MGAT4C: variants seen among roughly 807,000 people sequenced by gnomAD.
The protein encoded by MGAT4C is MGAT4 family member C, also known as alpha-1,3-mannosyl-glycoprotein 4-beta-N-acetylglucosaminyltransferase C.
A neutral mutation model predicts 40.1 loss-of-function variants in MGAT4C; 19 were observed. The observed-to-expected ratio is 0.47, with a 90% CI of 0.33 to 0.70. MGAT4C has a LOEUF of 0.70. Among genes scored for constraint, MGAT4C ranks in the 30% least tolerant of loss-of-function variants. The pLI, the probability that MGAT4C is intolerant of heterozygous loss-of-function variation, is 0.02. For synonymous variants in MGAT4C, 181 were observed against 187.1 expected (o/e 0.97, Z 0.27); for missense variants, 491 against 563.2 (o/e 0.87, Z 1.30).
chr12:86,089,551 T>C (rs1169478208), intron 1 of MGAT4C, among the ~76,000 whole-genome samples: 1 of 151,872 alleles, frequency 6.6e-6, no homozygotes, highest in Non-Finnish European at 1.5e-5. Context: ...TGTTTATTGA[T>C]TTAGCAATTT....
chr12:86,476,361 A>C (rs1415005360), intron 2 of MGAT4C, among the ~76,000 whole-genome samples: 1 of 152,146 alleles, frequency 6.6e-6, no homozygotes, highest in Admixed American at 6.6e-5. Context: ...ATCATCAGAG[A>C]AATGCAAATC....
At chr12:86,293,451 C>T (rs1953577429) in intron 4 of MGAT4C, among the ~76,000 whole-genome samples, 1 of 151,934 alleles carries the variant, frequency 6.6e-6, no homozygotes, top group Non-Finnish European at 1.5e-5. Flanking sequence ...AATAGGAAGG[C>T]AAAATTCAAC....
chr12:86,567,549 C>T (rs1960184407), intron 2 of MGAT4C, among the ~76,000 whole-genome samples: 1 of 152,086 alleles, frequency 6.6e-6, no homozygotes, highest in African/African-American at 2.4e-5. Flanking sequence ...AATTACCATG[C>T]CCTGTGATTA....
chr12:86,630,919 G>T (rs1417984822), intron 2 of MGAT4C, among the ~76,000 whole-genome samples: 2 of 152,164 alleles, frequency 1.3e-5, no homozygotes, highest in African/African-American at 4.8e-5. Flanking sequence ...TCAGGCAAGA[G>T]AAAGAAATAA....
intron 2 of MGAT4C, among the ~76,000 whole-genome samples, chr12:86,547,645 C>A (rs186454622): frequency 4.6e-4 from 70 of 151,996 alleles, no homozygotes; most frequent in African/African-American, 1.6e-3. Flanking sequence ...TTGTTTATTA[C>A]TTGGAAGAAA....
intron 2 of MGAT4C, among the ~76,000 whole-genome samples, chr12:86,487,940 G>A (rs1958052484): frequency 2.6e-5 from 4 of 152,138 alleles, no homozygotes; most frequent in Admixed American, 2.0e-4. Context: ...AATGTGGAAT[G>A]TTATTTGTAA....
At chr12:86,225,354 A>G (rs907834017) in intron 1 of MGAT4C, among the ~76,000 whole-genome samples, 2 of 152,118 alleles carry the variant, frequency 1.3e-5, no homozygotes, top group African/African-American at 2.4e-5. Context: ...CAGTGAAATT[A>G]GACGAGTCAA....
At chr12:86,427,212 A>G (rs991102482) in intron 3 of MGAT4C, among the ~76,000 whole-genome samples, 1 of 152,132 alleles carries the variant, frequency 6.6e-6, no homozygotes, top group Non-Finnish European at 1.5e-5. Context: ...TGATGCTTCC[A>G]TTCTACATTT....
chr12:86,090,358 G>T (rs1273335138), intron 1 of MGAT4C, among the ~76,000 whole-genome samples: 1 of 151,480 alleles, frequency 6.6e-6, no homozygotes, highest in African/African-American at 2.4e-5. Flanking sequence ...TCTACCTTGA[G>T]ATATTTCATC....
intron 1 of MGAT4C, among the ~76,000 whole-genome samples, chr12:86,835,531 C>CA (rs35356591): frequency 0.097 from 14,687 of 151,820 alleles, 979 homozygotes; most frequent in Non-Finnish European, 0.14. Flanking sequence ...ATGAAAAGGG[C>CA]AAAGGGCACG....
In MGAT4C at chr12:85,979,107, A is replaced by G; in HGVS notation, c.*182T>C. 1 of 467,840 alleles carries G rather than the reference A, an allele frequency of 2.1e-6. No homozygotes were observed. The highest frequency in any genetic ancestry group is 3.7e-6 in the Non-Finnish European group (1 of 267,066). 29.0% of individuals were successfully genotyped at this position (467,840 alleles called of 1,614,324 possible). A position where few individuals can be genotyped will look rare whatever the true frequency, so the allele number is the denominator to read the frequency against. On this transcript the variant is annotated 3_prime_UTR_variant, in exon 5 of 5. Coordinates refer to ENST00000611864, the MANE Select transcript of MGAT4C (RefSeq NM_001351288.2). ...AGACTGATATTCAACTTCAGACGTT[A>G]AAATAAATACAAGTGTGTATTAAGA...
intron 2 of MGAT4C, among the ~76,000 whole-genome samples, chr12:86,538,567 C>T (rs1959113518): frequency 6.6e-6 from 1 of 150,912 alleles, no homozygotes; most frequent in Admixed American, 6.6e-5. Flanking sequence ...TAAAATATTT[C>T]ATATTAACGT....
intron 3 of MGAT4C, among the ~76,000 whole-genome samples, chr12:86,351,295 A>C (rs1356984289): frequency 6.6e-6 from 1 of 151,994 alleles, no homozygotes; most frequent in Non-Finnish European, 1.5e-5. Context: ...TACTCTTGTT[A>C]CTCACCAATT....
intron 2 of MGAT4C, among the ~76,000 whole-genome samples, chr12:86,584,928 C>A (rs1233719497): frequency 6.6e-6 from 1 of 151,130 alleles, no homozygotes; most frequent in African/African-American, 2.4e-5. Context: ...TGTAAAGCAG[C>A]AATATTAACT....
chr12:86,040,557 C>T (rs184868241), intron 2 of MGAT4C, among the ~76,000 whole-genome samples: 9 of 152,320 alleles, frequency 5.9e-5, no homozygotes, highest in Admixed American at 5.9e-4. Context: ...CCTACTTAAG[C>T]CTCAGCAATG....
intron 3 of MGAT4C, among the ~76,000 whole-genome samples, chr12:86,388,743 A>G (rs1368338394): frequency 1.5e-5 from 2 of 129,426 alleles, no homozygotes; most frequent in African/African-American, 6.3e-5. Flanking sequence ...GTGCAGTGGT[A>G]TGATCTTGGC....
chr12:86,371,797 T>C (rs1452936340), intron 3 of MGAT4C, among the ~76,000 whole-genome samples: 1 of 152,036 alleles, frequency 6.6e-6, no homozygotes, highest in East Asian at 1.9e-4. Flanking sequence ...TCTTATTATA[T>C]TGAAAGTATG....
chr12:86,620,249 C>T (rs947480499), intron 2 of MGAT4C, among the ~76,000 whole-genome samples: 1 of 151,984 alleles, frequency 6.6e-6, no homozygotes, highest in Non-Finnish European at 1.5e-5. Flanking sequence ...ATTAAAAATA[C>T]ACCTGTGCTA....
chr12:86,393,597 G>A (rs904407687), intron 3 of MGAT4C, among the ~76,000 whole-genome samples: 1 of 152,070 alleles, frequency 6.6e-6, no homozygotes. Flanking sequence ...TTAGAGATGT[G>A]GCAGACTCTG....
Sources: gnomAD v4.1 joint callset for allele counts (sites outside exome capture counted in the v4.1 genomes callset) on GRCh38, gnomAD v4.1.1 for gene constraint, MANE v1.5 for transcripts, NCBI Gene and HGNC (gene_info 2026-07-23, HGNC 2026-07-21) for gene names.